The following VSNL1 variants were observed in gnomAD, a reference collection of about 807,000 sequenced individuals.
VSNL1 encodes the protein visinin like 1.
VSNL1 carries 6 observed loss-of-function variants against 20.4 expected under a neutral mutation model. The ratio of observed to expected loss-of-function variants is 0.29; its 90% confidence interval spans 0.16 to 0.58. The LOEUF is 0.58. Ranked by LOEUF, VSNL1 falls within the 20% of genes least tolerant of loss-of-function variation. The pLI is 0.90. For missense variants in VSNL1, 100 were observed against 234.5 expected, an observed-to-expected ratio of 0.43 and a Z score of 3.75; for synonymous variants, 93 against 86.4, an observed-to-expected ratio of 1.08 and a Z score of -0.42.
intron 2 of VSNL1, among the ~76,000 whole-genome samples, chr2:17,597,575 T>G (rs1021026051): frequency 6.6e-6 from 1 of 152,122 alleles, no homozygotes; most frequent in Non-Finnish European, 1.5e-5. Flanking sequence ...ATTTAACAGT[T>G]TGAATTTTAA....
At chr2:17,569,572 C>T (rs1664033414) in intron 1 of VSNL1, among the ~76,000 whole-genome samples, 1 of 152,054 alleles carries the variant, frequency 6.6e-6, no homozygotes, top group Non-Finnish European at 1.5e-5. Context: ...TTCATTATCT[C>T]TTAATGTCTC....
intron 1 of VSNL1, among the ~76,000 whole-genome samples, chr2:17,559,339 T>C (rs934329989): frequency 6.6e-6 from 1 of 152,024 alleles, no homozygotes; most frequent in African/African-American, 2.4e-5. Context: ...GTAATAAAAT[T>C]TTAAGATACA....
At chr2:17,635,363 TG>T (rs1406178948) in intron 2 of VSNL1, among the ~76,000 whole-genome samples, 2 of 152,044 alleles carry the variant, frequency 1.3e-5, no homozygotes, top group Non-Finnish European at 2.9e-5. Flanking sequence ...GAAGGCAAAA[TG>T]TAAGAATTCC....
At chr2:17,541,543 T>C (rs1000976381) in intron 1 of VSNL1, 2 of 152,212 alleles carry the variant, frequency 1.3e-5, no homozygotes, top group African/African-American at 4.8e-5. Context: ...AAGGGAAAGA[T>C]GCTCTACTGC....
chr2:17,631,561 A>T (rs886988448), intron 2 of VSNL1, among the ~76,000 whole-genome samples: 6 of 152,268 alleles, frequency 3.9e-5, no homozygotes, highest in Non-Finnish European at 1.5e-5. Flanking sequence ...CTTCACCCAT[A>T]GTCCATGTTT....
In VSNL1 at chr2:17,649,306, C is replaced by A; in HGVS notation, c.163-104C>A. ...AAACTGCTCTCCAATGGGTGAGGCT[C>A]CGACAACGCCCAGGAGCACCTGTGA... On this transcript the variant is annotated intron_variant, in intron 2 of 3. Transcript: ENST00000295156. The surrounding 1 kb of genome is among the most constrained non-coding windows in gnomAD (Gnocchi z 6.4). The A allele has an allele frequency of 8.6e-7, 1 of 1,166,306 alleles. No homozygotes were observed. The highest frequency in any genetic ancestry group is 1.3e-6 in the Non-Finnish European group (1 of 793,080). The allele number at this position is 1,166,306 out of a possible 1,614,324, so 72.2% of individuals were successfully genotyped here.
At chr2:17,567,905 C>T (rs1164617952) in intron 1 of VSNL1, among the ~76,000 whole-genome samples, 2 of 152,028 alleles carry the variant, frequency 1.3e-5, no homozygotes, top group African/African-American at 4.8e-5. Context: ...GGAATAACCC[C>T]TGCTTGATAG....
At chr2:17,614,546 A>G (rs1035297286) in intron 2 of VSNL1, among the ~76,000 whole-genome samples, 1 of 151,998 alleles carries the variant, frequency 6.6e-6, no homozygotes, top group Non-Finnish European at 1.5e-5. Flanking sequence ...TTTTCCTCCA[A>G]ACCCATTCCA....
In VSNL1 at chr2:17,634,991, T is replaced by C. The variant is rs77250693; in HGVS notation, c.163-14419T>C. Among the ~76,000 whole-genome samples, 1,227 of 152,200 alleles carry C rather than the reference T, an allele frequency of 8.1e-3. 18 individuals are homozygous for C. The highest frequency in any genetic ancestry group is 0.028 in the African/African-American group (1,183 of 41,528). ...ACACATACATGTGCACATACATACA[T>C]ACACACTTGGCTCAGGGCACATGAG... On this transcript the variant is annotated intron_variant, in intron 2 of 3. Coordinates refer to ENST00000295156, the MANE Select transcript of VSNL1 (RefSeq NM_003385.5). The surrounding 1 kb of genome is among the most constrained non-coding windows in gnomAD (Gnocchi z 4.3).
intron 2 of VSNL1, among the ~76,000 whole-genome samples, chr2:17,625,089 A>C (rs140271610): frequency 8.6e-5 from 13 of 152,010 alleles, no homozygotes; most frequent in African/African-American, 3.1e-4. Flanking sequence ...ACGAGCTCTG[A>C]TGGTTTTATC....
rs928166120 is a variant in VSNL1, at chr2:17,540,806, G to T, written c.-118G>T. ...AGCTCCAGAGAAAAAGAGAGCGAGA[G>T]AGAACCACACACAGAGACGGCTTAA... On this transcript the variant is annotated 5_prime_UTR_variant, in exon 1 of 4. Coordinates refer to ENST00000295156, the MANE Select transcript of VSNL1 (RefSeq NM_003385.5). 6.5e-6 allele frequency: 1 copy of T among 152,692 alleles called. No homozygotes were observed. Among genetic ancestry groups the T allele is most frequent in the African/African-American group, 2.4e-5 (1 of 41,466 alleles). The allele number at this position is 152,692 out of a possible 1,614,324, so 9.5% of individuals were successfully genotyped here. A position where few individuals can be genotyped will look rare whatever the true frequency, so the allele number is the denominator to read the frequency against.
At chr2:17,637,343 G>A (rs1255989773) in intron 2 of VSNL1, among the ~76,000 whole-genome samples, 2 of 152,194 alleles carry the variant, frequency 1.3e-5, no homozygotes, top group African/African-American at 4.8e-5. Context: ...GGTGGAGGAG[G>A]CAGCTCCAGG....
At chr2:17,542,727 C>T (rs773835947) in intron 1 of VSNL1, among the ~76,000 whole-genome samples, 2 of 152,082 alleles carry the variant, frequency 1.3e-5, no homozygotes, top group South Asian at 2.1e-4. Context: ...CAGGTGTTGA[C>T]ACTGCATTGA....
rs1213628717 is a variant in VSNL1 at position 17,655,379 on chromosome 2, C to T, written c.561C>T (p.Cys187=). The T allele has an allele frequency of 3.5e-5, 55 of 1,557,796 alleles. No homozygotes were observed. The highest frequency in any genetic ancestry group is 1.0e-4 in the Admixed American group (6 of 58,438). The change falls in exon 4 of 4, where the codon TGC becomes TGT. Residue 187 remains cysteine (C), a synonymous_variant. Transcript: ENST00000295156. This position sits in a 1 kb window ranked among gnomAD's most constrained non-coding sequence, Gnocchi z 5.2. Reference sequence around the variant, plus strand: ...CTTCCATTGTATTACTTCTGCAGTGCGACATCCAGAAATGAGCTGATGTCA... The same window carrying T: ...CTTCCATTGTATTACTTCTGCAGTGTGACATCCAGAAATGAGCTGATGTCA... ...SDPSIVLLLQ[C]DIQK is the part of the protein sequence containing the mutation.
intron 1 of VSNL1, among the ~76,000 whole-genome samples, chr2:17,556,795 C>T (rs1663689889): frequency 6.6e-6 from 1 of 152,136 alleles, no homozygotes; most frequent in Non-Finnish European, 1.5e-5. Context: ...AATATATATG[C>T]ATTGCATGAA....
chr2:17,571,176 T>C (rs1439362055), intron 1 of VSNL1, among the ~76,000 whole-genome samples: 6 of 152,176 alleles, frequency 3.9e-5, no homozygotes, highest in Admixed American at 3.9e-4. Context: ...TACCAAGAGC[T>C]TATGTTTTAG....
chr2:17,617,523 G>A, intron 2 of VSNL1, among the ~76,000 whole-genome samples: 1 of 152,064 alleles, frequency 6.6e-6, no homozygotes, highest in East Asian at 1.9e-4. Flanking sequence ...CTTGAGACTA[G>A]TACTCTGTCC....
At chr2:17,633,068 G>C (rs1021968058) in intron 2 of VSNL1, among the ~76,000 whole-genome samples, 1 of 152,170 alleles carries the variant, frequency 6.6e-6, no homozygotes, top group Non-Finnish European at 1.5e-5. Flanking sequence ...TTGACTCACA[G>C]TGCCACATGG....
chr2:17,603,820 GTTAATTTTCA>G (rs1664885366), intron 2 of VSNL1, among the ~76,000 whole-genome samples: 1 of 152,170 alleles, frequency 6.6e-6, no homozygotes, highest in African/African-American at 2.4e-5. Flanking sequence ...AGAAGGAAAA[GTTAATTTTCA>G]TTTTTCCTCA....
Sources: allele counts gnomAD v4.1 joint callset (sites outside exome capture counted in the v4.1 genomes callset), GRCh38; gene constraint gnomAD v4.1.1; non-coding constraint Gnocchi (gnomAD v3.1); transcripts MANE v1.5; gene names NCBI Gene and HGNC (gene_info 2026-07-23, HGNC 2026-07-21).